The following AGBL4 variants were observed in gnomAD, a reference collection of about 807,000 sequenced individuals.
AGBL4 encodes cytosolic carboxypeptidase 6.
A neutral mutation model predicts 66.4 loss-of-function variants in AGBL4; 58 were observed. That is an observed-to-expected ratio of 0.87 (90% CI 0.71 to 1.09). The LOEUF is 1.09. AGBL4 is among the 50% of genes least tolerant of loss of function. The probability of loss-of-function intolerance (pLI) is 0.00; values close to 1 mark genes in which losing one functional copy is unlikely to be tolerated. For missense variants in AGBL4, 579 were observed against 631.0 expected (o/e 0.92, Z 0.88); for synonymous variants, 234 against 222.9 (o/e 1.05, Z -0.44).
At chr1:48,915,089 T>C (rs1258352945) in intron 5 of AGBL4, among the ~76,000 whole-genome samples, 1 of 152,228 alleles carries the variant, frequency 6.6e-6, no homozygotes, top group African/African-American at 2.4e-5. Flanking sequence ...TGTTATTTAT[T>C]ATTACCTGGA....
At chr1:49,197,632 G>A (rs1647334046) in intron 4 of AGBL4, among the ~76,000 whole-genome samples, 1 of 152,182 alleles carries the variant, frequency 6.6e-6, no homozygotes, top group Non-Finnish European at 1.5e-5. Flanking sequence ...TCAAGATGCA[G>A]TGGGGCTCAA....
intron 4 of AGBL4, among the ~76,000 whole-genome samples, chr1:49,067,253 A>T (rs533926106): frequency 6.6e-6 from 1 of 152,334 alleles, no homozygotes; most frequent in Admixed American, 6.5e-5. Context: ...AGAGAAAAGC[A>T]TGGGAAGATG....
At position 49,500,162 on chromosome 1, in the gene AGBL4, T is replaced by C. The variant is rs1024100050; in HGVS notation, c.282+197151A>G. Among the ~76,000 whole-genome samples, 13 of 152,178 alleles carry C rather than the reference T, an allele frequency of 8.5e-5. No individual in the cohort carries two copies. In the East Asian group the frequency reaches 2.3e-3, roughly 27 times the overall value. The stretch of plus-strand genomic sequence containing the variant: ...CATTTTTTCATATGTTTGTTAGCCA[T>C]TTGTATATCTTCTTTTGAGAATTGT... On this transcript the variant is annotated intron_variant, in intron 3 of 13. Transcript: ENST00000371839.
At chr1:48,729,458 T>C (rs1246928641) in intron 6 of AGBL4, among the ~76,000 whole-genome samples, 1 of 152,144 alleles carries the variant, frequency 6.6e-6, no homozygotes, top group Non-Finnish European at 1.5e-5. Context: ...AATTCAACCT[T>C]GAGGAATTGC....
intron 6 of AGBL4, among the ~76,000 whole-genome samples, chr1:48,754,201 G>A (rs1652174993): frequency 6.6e-6 from 1 of 152,164 alleles, no homozygotes; most frequent in Admixed American, 6.5e-5. Flanking sequence ...TAGCTGAGGA[G>A]AAACCAAGAG....
chr1:48,684,715 C>T (rs1181966280), intron 6 of AGBL4, among the ~76,000 whole-genome samples: 2 of 150,568 alleles, frequency 1.3e-5, no homozygotes, highest in Non-Finnish European at 3.0e-5. Flanking sequence ...AAAATAAAAA[C>T]TTTTTTTTTT....
intron 7 of AGBL4, among the ~76,000 whole-genome samples, chr1:48,657,775 G>A (rs934314751): frequency 6.6e-6 from 1 of 152,166 alleles, no homozygotes; most frequent in African/African-American, 2.4e-5. Context: ...ATGAGATTAA[G>A]TTTCTGGCCC....
intron 1 of AGBL4, among the ~76,000 whole-genome samples, chr1:49,915,545 C>G (rs1651356896): frequency 1.3e-5 from 2 of 152,312 alleles, no homozygotes; most frequent in South Asian, 2.1e-4. Flanking sequence ...GAAGGGGCAC[C>G]CGCCATTGCT....
intron 3 of AGBL4, among the ~76,000 whole-genome samples, chr1:49,327,122 T>G (rs1645243034): frequency 6.6e-6 from 1 of 152,178 alleles, no homozygotes; most frequent in Non-Finnish European, 1.5e-5. Context: ...ACCCTTGTGA[T>G]TATATTAGGC....
intron 3 of AGBL4, among the ~76,000 whole-genome samples, chr1:49,557,832 C>G (rs1490725203): frequency 5.3e-5 from 8 of 151,892 alleles, no homozygotes; most frequent in Non-Finnish European, 1.0e-4. Context: ...TCACCCCTCC[C>G]CTAACCCAAG....
At chr1:48,859,587 C>T (rs1647309722) in intron 6 of AGBL4, among the ~76,000 whole-genome samples, 1 of 152,202 alleles carries the variant, frequency 6.6e-6, no homozygotes, top group Non-Finnish European at 1.5e-5. Context: ...CTAAGACACC[C>T]AGTGATATTA....
intron 2 of AGBL4, chr1:49,842,337 A>T: frequency 1.8e-6 from 1 of 551,334 alleles, no homozygotes; most frequent in Non-Finnish European, 3.1e-6. Context: ...CTGGAGCAAG[A>T]GGCAGAGCCA....
intron 9 of AGBL4, among the ~76,000 whole-genome samples, chr1:48,617,974 C>T (rs148743772): frequency 1.3e-5 from 2 of 152,288 alleles, no homozygotes; most frequent in East Asian, 1.9e-4. Context: ...GGTGTGCTCA[C>T]CTCTGGGCCA....
At chr1:49,884,889 T>C (rs1386076785) in intron 1 of AGBL4, among the ~76,000 whole-genome samples, 1 of 151,866 alleles carries the variant, frequency 6.6e-6, no homozygotes, top group Non-Finnish European at 1.5e-5. Context: ...CCTGGTGAAA[T>C]AATATAATTA....
intron 12 of AGBL4, among the ~76,000 whole-genome samples, 197 bp from the exon 13 acceptor site, chr1:48,535,113 T>C (rs1643948021): frequency 6.6e-6 from 1 of 151,922 alleles, no homozygotes; most frequent in Non-Finnish European, 1.5e-5. Flanking sequence ...CATGGGGGGA[T>C]AGTGGCAAGG....
intron 4 of AGBL4, among the ~76,000 whole-genome samples, chr1:49,195,544 T>G (rs1204695803): frequency 6.6e-6 from 1 of 152,162 alleles, no homozygotes; most frequent in Admixed American, 6.5e-5. Flanking sequence ...TGGGGTTTCC[T>G]TTATTGGTGA....
At chr1:49,930,034 C>A (rs1030494804) in intron 1 of AGBL4, among the ~76,000 whole-genome samples, 4 of 151,754 alleles carry the variant, frequency 2.6e-5, no homozygotes, top group African/African-American at 9.7e-5. Flanking sequence ...ACTACTAGTT[C>A]TTTAAGAAAG....
chr1:49,090,680 C>T (rs1030355680), intron 4 of AGBL4, among the ~76,000 whole-genome samples: 1 of 152,042 alleles, frequency 6.6e-6, no homozygotes, highest in African/African-American at 2.4e-5. Flanking sequence ...TATATAGATT[C>T]GATGCTATTC....
intron 4 of AGBL4, among the ~76,000 whole-genome samples, chr1:49,078,624 G>C (rs945668891): frequency 6.6e-6 from 1 of 152,128 alleles, no homozygotes; most frequent in Non-Finnish European, 1.5e-5. Context: ...CTCTCCCCTA[G>C]ACCACTGCAG....
Sources: gnomAD v4.1 joint callset for allele counts (sites outside exome capture counted in the v4.1 genomes callset) on GRCh38, gnomAD v4.1.1 for gene constraint, MANE v1.5 for transcripts, NCBI Gene and HGNC (gene_info 2026-07-23, HGNC 2026-07-21) for gene names.